The following TAF1C variants were observed in gnomAD, a reference collection of about 807,000 sequenced individuals.
TAF1C encodes TATA box-binding protein-associated factor RNA polymerase I subunit C.
TAF1C carries 79 observed loss-of-function variants against 70.5 expected under a neutral mutation model. That is an observed-to-expected ratio of 1.12 (90% CI 0.93 to 1.35). The LOEUF is 1.35. TAF1C is among the 40% of genes most tolerant of loss of function. The pLI, the probability that TAF1C is intolerant of heterozygous loss-of-function variation, is 0.00. For synonymous variants in TAF1C, 614 were observed against 491.1 expected (o/e 1.25, Z -3.31); for missense variants, 1,412 against 1,127.8 (o/e 1.25, Z -3.61).
Position 84,183,334 on chromosome 16 carries a change from C to A in TAF1C, c.319-1G>T, listed in dbSNP as rs374743547. ...CATGATCCAAGAGGAACCGGCTGAT[C>A]TGGGGAGAAGAGGAGGCCAGGTCAC... On this transcript the variant is annotated splice_acceptor_variant, in intron 4 of 14. Coordinates refer to ENST00000566732, the MANE Select transcript of TAF1C (RefSeq NM_001243156.2). LOFTEE classifies it high-confidence loss of function. 1.2e-6 allele frequency: 2 copies of A among 1,613,970 alleles called. No individual in the cohort carries two copies. Among genetic ancestry groups the A allele is most frequent in the South Asian group, 2.2e-5 (2 of 91,080 alleles).
rs772953599 is a variant in TAF1C, at chr16:84,181,997, G to T, written c.783C>A (p.Arg261=). ...GCCGGACAGGTCCCTGGAGCTGGATGCGTCCAGGTTTCCCAAGGAATTGGG... is the reference window on the plus strand; with the variant it reads ...GCCGGACAGGTCCCTGGAGCTGGATTCGTCCAGGTTTCCCAAGGAATTGGG... ...DNPQFLGKPG[R]IQLQGPVRQV... is the part of the protein sequence containing the mutation. The change falls in exon 8 of 15, where the codon CGC becomes CGA. Residue 261 remains arginine (R), a synonymous_variant. Transcript: ENST00000566732. 14 of 1,613,640 alleles carry T rather than the reference G, an allele frequency of 8.7e-6. 1 individual carries two copies. The South Asian group carries it at 1.5e-4, about 18-fold the overall frequency.
chr16:84,180,541 A>G, intron 12 of TAF1C, 197 bp from the exon 13 acceptor site: 1 of 629,282 alleles, frequency 1.6e-6, no homozygotes, highest in South Asian at 2.3e-5. Context: ...ATTCTGACCG[A>G]CAGTCCGGTG....
chr16:84,182,126 C>G lies in TAF1C; in HGVS notation c.722-68G>C. ...GCAAGCCCCCCAAATTCCTGCCCTT[C>G]TCTGGACCATGCCAAGAGCACCTCC... On this transcript the variant is annotated intron_variant, in intron 7 of 14. Transcript: ENST00000566732. This position sits in a 1 kb window ranked among gnomAD's most constrained non-coding sequence, Gnocchi z 5.0. The G allele has an allele frequency of 6.3e-7, 1 of 1,592,226 alleles. No individual in the cohort carries two copies. Among genetic ancestry groups the G allele is most frequent in the Non-Finnish European group, 8.6e-7 (1 of 1,167,936 alleles).
In TAF1C at chr16:84,179,403, C is replaced by T; in HGVS notation, c.2070G>A (p.Lys690=). ...PPAPESGLED[K]LSERLGEAWA... is the part of the protein sequence containing the mutation. ...AGGCTTCCCCCAGGCGCTCACTGAGCTTGTCCTCTAGGCCTGACTCGGGTG... is the reference window on the plus strand; with the variant it reads ...AGGCTTCCCCCAGGCGCTCACTGAGTTTGTCCTCTAGGCCTGACTCGGGTG... Residue 690 remains lysine (K), a synonymous_variant, in exon 15 of 15, where the codon AAG becomes AAA. Transcript: ENST00000566732. 2.5e-6 allele frequency: 4 copies of T among 1,598,142 alleles called. No homozygotes were observed. Among genetic ancestry groups the T allele is most frequent in the East Asian group, 2.2e-5 (1 of 44,788 alleles).
Position 84,179,745 on chromosome 16 carries a change from C to CT in TAF1C, c.1727dup (p.Val577GlyfsTer18). 2 of 1,610,980 alleles carry CT rather than the reference C, an allele frequency of 1.2e-6. No individual in the cohort carries two copies. Among genetic ancestry groups the CT allele is most frequent in the Non-Finnish European group, 1.7e-6 (2 of 1,179,372 alleles). ...CATCTCTGCGGAGGCTGGAGTCCACCTGGGGGCGGAGCTGCTGGTAGAAGA... is the reference window on the plus strand; with the variant it reads ...CATCTCTGCGGAGGCTGGAGTCCACCTTGGGGGCGGAGCTGCTGGTAGAAGA... On this transcript the variant is annotated frameshift_variant, in exon 15 of 15. Coordinates refer to ENST00000566732, the MANE Select transcript of TAF1C (RefSeq NM_001243156.2). LOFTEE classifies it low-confidence loss of function (END_TRUNC).
intron 11 of TAF1C, 62 bp downstream of exon 11, chr16:84,181,266 G>C: frequency 6.2e-7 from 1 of 1,605,358 alleles, no homozygotes; most frequent in South Asian, 1.1e-5. Context: ...CAGCCAGCCT[G>C]GGACTCACCG....
chr16:84,185,109 C>A, intron 1 of TAF1C, 49 bp from the exon 2 acceptor site: 2 of 1,286,730 alleles, frequency 1.6e-6, no homozygotes. Flanking sequence ...TTTGAGGAAG[C>A]AGATAACAAA....
chr16:84,186,954 G>C lies in TAF1C; in HGVS notation c.-126C>G, dbSNP rs1386755774. On this transcript the variant is annotated 5_prime_UTR_variant, in exon 1 of 15. Coordinates refer to ENST00000566732, the MANE Select transcript of TAF1C (RefSeq NM_001243156.2). ...GAAAATGGGCCTCGGCGTGATGCTC[G>C]CCGGACCCTGGCACCACGAGGGAAA... 2.0e-5 allele frequency: 3 copies of C among 152,210 alleles called. No homozygotes were observed. Among genetic ancestry groups the C allele is most frequent in the African/African-American group, 7.2e-5 (3 of 41,456 alleles). 9.4% of individuals were successfully genotyped at this position (152,210 alleles called of 1,614,324 possible). A position where few individuals can be genotyped will look rare whatever the true frequency, so the allele number is the denominator to read the frequency against.
At chr16:84,184,737 G>A in intron 2 of TAF1C, 114 bp downstream of exon 2, 2 of 1,347,568 alleles carry the variant, frequency 1.5e-6, no homozygotes, top group Non-Finnish European at 2.0e-6. Context: ...TGTCTCAGCA[G>A]ACTCGTGTGA....
At chr16:84,184,722 G>T in intron 2 of TAF1C, 129 bp downstream of exon 2, 1 of 1,221,068 alleles carries the variant, frequency 8.2e-7, no homozygotes, top group Non-Finnish European at 1.1e-6. Context: ...AGGTGGCAGA[G>T]CCTGTGTCTC....
Position 84,177,870 on chromosome 16 carries a change from G to C in TAF1C, c.*1071C>G, listed in dbSNP as rs535856105. 2 of 1,576,252 alleles carry C rather than the reference G, an allele frequency of 1.3e-6. No homozygotes were observed. Among genetic ancestry groups the C allele is most frequent in the African/African-American group, 2.7e-5 (2 of 74,172 alleles). On this transcript the variant is annotated 3_prime_UTR_variant, in exon 15 of 15. Transcript: ENST00000566732. The stretch of plus-strand genomic sequence containing the variant: ...TCCCCAGTTATATGTAGCATAAATG[G>C]TTTAATCATAAATGTCTCCCTTAGG...
In TAF1C at chr16:84,179,791, T is replaced by A; in HGVS notation, c.1682A>T (p.Gln561Leu). ...SAPTPGLVLF[Q>L]LSAAGDVFYQ... Reference sequence around the variant, plus strand: ...GAAGACATCTCCCGCCGCCGAGAGCTGGAAGAGCACCAGGCCTGGTGTGGG... The same window carrying A: ...GAAGACATCTCCCGCCGCCGAGAGCAGGAAGAGCACCAGGCCTGGTGTGGG... The change falls in exon 15 of 15, where the codon CAG becomes CTG. Residue 561 changes from glutamine (Q) to leucine (L), a missense_variant. Gln to Leu is a moderately radical substitution (Grantham distance 113). Coordinates refer to ENST00000566732, the MANE Select transcript of TAF1C (RefSeq NM_001243156.2). The A allele has an allele frequency of 1.2e-6, 2 of 1,609,652 alleles. No individual in the cohort carries two copies. The highest frequency in any genetic ancestry group is 2.2e-5 in the South Asian group (2 of 90,734).
In TAF1C at chr16:84,181,366, C is replaced by T. The variant is rs751167821; in HGVS notation, c.1126G>A (p.Val376Met). Residue 376 changes from valine (V) to methionine (M), a missense_variant, in exon 11 of 15, where the codon GTG becomes ATG. Coordinates refer to ENST00000566732, the MANE Select transcript of TAF1C (RefSeq NM_001243156.2). ...ATCTTCACTCCGGTGCGGTCACCCACGGTCAGCACCCGAGGGTGCGCAGTG... is the reference window on the plus strand; with the variant it reads ...ATCTTCACTCCGGTGCGGTCACCCATGGTCAGCACCCGAGGGTGCGCAGTG... ...DFTAHPRVLT[V>M]GDRTGVKMLD... is the part of the protein sequence containing the mutation. 65 of 1,613,758 alleles carry T rather than the reference C, an allele frequency of 4.0e-5. No individual in the cohort carries two copies. Among genetic ancestry groups the T allele is most frequent in the Non-Finnish European group, 4.8e-5 (57 of 1,179,970 alleles).
In TAF1C at chr16:84,182,522, T is replaced by A; in HGVS notation, c.483-82A>T. The A allele has an allele frequency of 7.9e-7, 1 of 1,267,118 alleles. No individual in the cohort carries two copies. The highest frequency in any genetic ancestry group is 1.4e-5 in the South Asian group (1 of 69,548). The allele number at this position is 1,267,118 out of a possible 1,614,324, so 78.5% of individuals were successfully genotyped here. The stretch of plus-strand genomic sequence containing the variant: ...CCCATCCCAAGGAGGCCAAGTGCAG[T>A]GGACACATTTCTTATTTACCTAGAA... On this transcript the variant is annotated intron_variant, in intron 6 of 14. Transcript: ENST00000566732. This position sits in a 1 kb window ranked among gnomAD's most constrained non-coding sequence, Gnocchi z 5.0.
chr16:84,181,728 C>A lies in TAF1C; in HGVS notation c.956+18G>T. 6.2e-7 allele frequency: 1 copy of A among 1,613,824 alleles called. No individual in the cohort carries two copies. The highest frequency in any genetic ancestry group is 8.5e-7 in the Non-Finnish European group (1 of 1,179,762). ...CTGCCTCCAGCCCCTCCTCACCGAC[C>A]AACCTGACCCCCCTCACCTGAGGCT... On this transcript the variant is annotated intron_variant, in intron 9 of 14. Coordinates refer to ENST00000566732, the MANE Select transcript of TAF1C (RefSeq NM_001243156.2).
rs769831971 is a variant in TAF1C at position 84,179,130 on chromosome 16, G to C, written c.2343C>G (p.Val781=). 1 of 1,608,760 alleles carries C rather than the reference G, an allele frequency of 6.2e-7. No homozygotes were observed. Among genetic ancestry groups the C allele is most frequent in the Non-Finnish European group, 8.5e-7 (1 of 1,179,128 alleles). ...GGAGCATCTGCCGCTGCTCTGATGG[G>C]ACGCCCTGGGCGCATGCATCCGGAG... ...ELTPDACAQG[V]PSEQRQMLRD... Residue 781 remains valine, a synonymous_variant, in exon 15 of 15, where the codon GTC becomes GTG. Coordinates refer to ENST00000566732, the MANE Select transcript of TAF1C (RefSeq NM_001243156.2).
Position 84,179,547 on chromosome 16 carries a change from C to G in TAF1C, c.1926G>C (p.Glu642Asp). The change falls in exon 15 of 15, where the codon GAG becomes GAC. Residue 642 changes from glutamate to aspartate, a missense_variant. Glu to Asp is a conservative substitution (Grantham distance 45). Transcript: ENST00000566732. ...FTHRQMLGST[E>D]LRREEEEGQR... is the part of the protein sequence containing the mutation. ...GCCCTTCCTCTTCCTCCCTCCGCAGCTCTGTGCTGCCCAGCATCTGGCGGT... is the reference window on the plus strand; with the variant it reads ...GCCCTTCCTCTTCCTCCCTCCGCAGGTCTGTGCTGCCCAGCATCTGGCGGT... 3 of 1,611,876 alleles carry G rather than the reference C, an allele frequency of 1.9e-6. No homozygotes were observed. The highest frequency in any genetic ancestry group is 2.5e-6 in the Non-Finnish European group (3 of 1,179,568).
intron 2 of TAF1C, 72 bp downstream of exon 2, chr16:84,184,779 G>A (rs966644348): frequency 2.0e-6 from 3 of 1,508,102 alleles, no homozygotes; most frequent in South Asian, 2.6e-5. Context: ...GTCAACTGAT[G>A]TGAATGTGAG....
rs4150141 is a variant in TAF1C at position 84,182,844 on chromosome 16, T to C, written c.482+232A>G. ...GACAGGAAAGAGAGACACAGCTCTA[T>C]GAACATTATTTGAACACCTGGATGC... On this transcript the variant is annotated intron_variant, in intron 6 of 14. Coordinates refer to ENST00000566732, the MANE Select transcript of TAF1C (RefSeq NM_001243156.2). This position sits in a 1 kb window ranked among gnomAD's most constrained non-coding sequence, Gnocchi z 5.0. Among the ~76,000 whole-genome samples the C allele has an allele frequency of 8.1e-3, 1,228 of 152,326 alleles. 13 individuals are homozygous for C. Among genetic ancestry groups the C allele is most frequent in the African/African-American group, 0.028 (1,162 of 41,584 alleles).
Sources: allele counts gnomAD v4.1 joint callset (sites outside exome capture counted in the v4.1 genomes callset), GRCh38; gene constraint gnomAD v4.1.1; non-coding constraint Gnocchi (gnomAD v3.1); transcripts MANE v1.5; gene names NCBI Gene and HGNC (gene_info 2026-07-23, HGNC 2026-07-21).